Variants in SASH1 observed in about 807,000 individuals in gnomAD.
SASH1 encodes SAM and SH3 domain-containing protein 1.
In SASH1, 44 loss-of-function variants were observed where a neutral mutation model predicts 125.2. That is an observed-to-expected ratio of 0.35 (90% CI 0.28 to 0.45). The LOEUF is 0.45. SASH1 is among the 20% of genes least tolerant of loss of function. SASH1 has a pLI of 1.00. For synonymous variants in SASH1, 639 were observed against 649.1 expected (o/e 0.98, Z 0.24); for missense variants, 1,426 against 1,614.5 (o/e 0.88, Z 2.00).
intron 1 of SASH1, among the ~76,000 whole-genome samples, chr6:148,329,628 G>T (rs1251378316): frequency 6.6e-6 from 1 of 152,152 alleles, no homozygotes; most frequent in African/African-American, 2.4e-5. Context: ...CTTTGTGTGT[G>T]TGAGTGTGTA....
chr6:148,214,714 G>A, the SASH1 span, among the ~76,000 whole-genome samples: 1 of 152,166 alleles, frequency 6.6e-6, no homozygotes. Flanking sequence ...TCTCAGCTCT[G>A]ATATATTAGA....
At chr6:148,414,289 A>T (rs1428179873) in intron 2 of SASH1, among the ~76,000 whole-genome samples, 3 of 152,072 alleles carry the variant, frequency 2.0e-5, no homozygotes, top group African/African-American at 7.2e-5. Flanking sequence ...ACTTTTGTGG[A>T]TGCAAATGTC....
intron 1 of SASH1, among the ~76,000 whole-genome samples, chr6:148,384,105 A>T (rs990916512): frequency 6.6e-6 from 1 of 152,238 alleles, no homozygotes; most frequent in Non-Finnish European, 1.5e-5. Context: ...TTCTATGAGA[A>T]GAAAAGGAAA....
intron 1 of SASH1, among the ~76,000 whole-genome samples, chr6:148,277,651 A>G (rs1779222958): frequency 6.6e-6 from 1 of 152,174 alleles, no homozygotes; most frequent in Non-Finnish European, 1.5e-5. Flanking sequence ...AATAAAGACA[A>G]TTGTGCTTTA....
chr6:148,502,766 T>C lies in SASH1; in HGVS notation c.730-11558T>C, dbSNP rs1425956709. On this transcript the variant is annotated intron_variant, in intron 8 of 19. Transcript: ENST00000367467. ...GTTGGGATGGGGTGGGTGGGAGAAG[T>C]AGGGCCCCAGGGCCATGTAAATACT... is the stretch of plus-strand genomic sequence containing the variant. 2.6e-5 allele frequency among the ~76,000 whole-genome samples: 4 copies of C among 152,114 alleles called. No individual in the cohort carries two copies. In the South Asian group the frequency reaches 8.3e-4, roughly 32 times the overall value.
intron 8 of SASH1, among the ~76,000 whole-genome samples, chr6:148,490,410 A>G (rs879523334): frequency 1.9e-4 from 29 of 152,082 alleles, no homozygotes; most frequent in African/African-American, 6.5e-4. Flanking sequence ...GGGTTTCACC[A>G]TATTGGCCAG....
intron 2 of SASH1, among the ~76,000 whole-genome samples, chr6:148,402,514 G>A (rs1332454595): frequency 2.6e-5 from 4 of 151,856 alleles, no homozygotes; most frequent in Non-Finnish European, 4.4e-5. Flanking sequence ...TTGTCATTTT[G>A]GCCAGGCTGG....
the SASH1 span, among the ~76,000 whole-genome samples, chr6:148,213,424 A>G: frequency 0.018 from 2,775 of 152,222 alleles, 73 homozygotes; most frequent in African/African-American, 0.064. Flanking sequence ...AACTGGAAAG[A>G]GTCAAGATTA....
At chr6:148,421,660 C>T (rs914557552) in intron 2 of SASH1, among the ~76,000 whole-genome samples, 4 of 152,208 alleles carry the variant, frequency 2.6e-5, no homozygotes, top group African/African-American at 9.6e-5. Context: ...ATTTGAAAGA[C>T]TCTTGAAACA....
At chr6:148,297,107 C>T (rs1779785644) in intron 1 of SASH1, among the ~76,000 whole-genome samples, 1 of 152,086 alleles carries the variant, frequency 6.6e-6, no homozygotes, top group South Asian at 2.1e-4. Flanking sequence ...GGAAGAGCAC[C>T]CTGAAGAGAG....
chr6:148,544,905 C>A lies in SASH1; in HGVS notation c.3348+87C>A. On this transcript the variant is annotated intron_variant, in intron 18 of 19. Transcript: ENST00000367467. This position sits in a 1 kb window ranked among gnomAD's most constrained non-coding sequence, Gnocchi z 6.4. ...GGTGAGATGAACCCACATCTGAAGC[C>A]AGCCCGGTAGCCCGCCCAGTGGACA... The A allele has an allele frequency of 7.4e-7, 1 of 1,357,724 alleles. No individual in the cohort carries two copies. 84.1% of individuals were successfully genotyped at this position (1,357,724 alleles called of 1,614,324 possible).
At position 148,540,855 on chromosome 6, in the gene SASH1, A is replaced by G. The variant is rs1782175583; in HGVS notation, c.2209+299A>G. On this transcript the variant is annotated intron_variant, in intron 17 of 19. Transcript: ENST00000367467. The stretch of plus-strand genomic sequence containing the variant: ...GAGTGTTGGGAGCTATTAGGTCCAT[A>G]AGGAAAACAGTTTACCAGGTAGACC... Among the ~76,000 whole-genome samples the G allele has an allele frequency of 3.3e-5, 5 of 152,234 alleles. No individual in the cohort carries two copies. In the South Asian group the frequency reaches 8.3e-4, roughly 25 times the overall value.
chr6:148,428,388 G>A (rs1775913735), intron 2 of SASH1, among the ~76,000 whole-genome samples: 1 of 152,170 alleles, frequency 6.6e-6, no homozygotes, highest in African/African-American at 2.4e-5. Flanking sequence ...CAGCACTTTG[G>A]GAGGCCAAGG....
In SASH1 at chr6:148,474,317, C is replaced by A. The variant is rs572465440; in HGVS notation, c.627+95C>A. 7.5e-6 allele frequency: 5 copies of A among 669,154 alleles called. No individual in the cohort carries two copies. The Admixed American group carries it at 1.4e-4, about 18-fold the overall frequency. The allele number at this position is 669,154 out of a possible 1,614,324, so 41.5% of individuals were successfully genotyped here. On this transcript the variant is annotated intron_variant, in intron 7 of 19. Coordinates refer to ENST00000367467, the MANE Select transcript of SASH1 (RefSeq NM_015278.5). ...CAACAAGGGGTATAGGAATCAGGTA[C>A]CCATGTTGTCAGATAAAATATTTAT...
rs948399270 is a variant in SASH1, at chr6:148,413,799, C to T, written c.285+23537C>T. 5.9e-5 allele frequency among the ~76,000 whole-genome samples: 9 copies of T among 152,070 alleles called. No individual in the cohort carries two copies. In the South Asian group the frequency reaches 1.0e-3, roughly 18 times the overall value. ...CCTTACCCCTCTCCCATTCCTTCTC[C>T]GGGCCTCTCCTTCTGCTCCCCTCTT... On this transcript the variant is annotated intron_variant, in intron 2 of 19. Transcript: ENST00000367467.
At chr6:148,216,702 A>G in the SASH1 span, among the ~76,000 whole-genome samples, 3 of 151,904 alleles carry the variant, frequency 2.0e-5, no homozygotes, top group African/African-American at 7.3e-5. Context: ...TCTCAGCAGC[A>G]CATTTTCTCC....
rs1400841049 is a variant in SASH1 at position 148,440,209 on chromosome 6, C to T, written c.311C>T (p.Ser104Leu). Residue 104 changes from serine to leucine, a missense_variant, in exon 3 of 20, where the codon TCA becomes TTA. Coordinates refer to ENST00000367467, the MANE Select transcript of SASH1 (RefSeq NM_015278.5). Reference protein sequence around the residue: ...EVEKPDASPTSLQLRSQIEES... With the variant: ...EVEKPDASPTLLQLRSQIEES... ...GAGAAACCCGATGCTAGCCCCACGT[C>T]ACTTCAGCTGCGGTCCCAGATCGAA... 1 of 1,614,060 alleles carries T rather than the reference C, an allele frequency of 6.2e-7. No homozygotes were observed. Among genetic ancestry groups the T allele is most frequent in the East Asian group, 2.2e-5 (1 of 44,878 alleles).
intron 1 of SASH1, among the ~76,000 whole-genome samples, chr6:148,314,539 A>C (rs570833201): frequency 3.7e-4 from 57 of 152,260 alleles, no homozygotes; most frequent in African/African-American, 1.2e-3. Context: ...TCTAGGAGTT[A>C]TTTCTAAGAC....
At chr6:148,499,060 T>TTTTTG (rs1289977282) in intron 8 of SASH1, among the ~76,000 whole-genome samples, 2 of 149,640 alleles carry the variant, frequency 1.3e-5, no homozygotes, top group African/African-American at 4.9e-5. Flanking sequence ...TTTTTTTGTT[T>TTTTTG]TTTTTTTTTT....
Sources: allele counts gnomAD v4.1 joint callset (sites outside exome capture counted in the v4.1 genomes callset), GRCh38; gene constraint gnomAD v4.1.1; non-coding constraint Gnocchi (gnomAD v3.1); transcripts MANE v1.5; gene names NCBI Gene and HGNC (gene_info 2026-07-23, HGNC 2026-07-21).